The following SYNJ2BP variants were observed in gnomAD, a reference collection of about 807,000 sequenced individuals.
The protein encoded by SYNJ2BP is synaptojanin-2-binding protein.
Under a neutral mutation model 16.9 loss-of-function variants are expected in SYNJ2BP, and 10 were observed. The ratio of observed to expected loss-of-function variants is 0.59; its 90% CI spans 0.36 to 1.00. The LOEUF (loss-of-function observed/expected upper bound fraction) is 1.00. Among genes scored for constraint, SYNJ2BP ranks in the 50% least tolerant of loss-of-function variants. SYNJ2BP has a pLI of 0.01. For synonymous variants in SYNJ2BP, 54 were observed against 68.4 expected, an observed-to-expected ratio of 0.79 and a Z score of 1.04; for missense variants, 162 against 186.7, an observed-to-expected ratio of 0.87 and a Z score of 0.77.
rs565308900 is a variant in SYNJ2BP at position 70,416,491 on chromosome 14, G to A, written c.64+409C>T. 3.3e-5 allele frequency among the ~76,000 whole-genome samples: 5 copies of A among 151,886 alleles called. No homozygotes were observed. The South Asian group carries it at 1.0e-3, about 32-fold the overall frequency. On this transcript the variant is annotated intron_variant, in intron 1 of 3. Transcript: ENST00000256366. ...GGAGGGATCCTAGCTGCAGGAAAAC[G>A]GCTATGCATTCAGAGTCCACACCGT... is the stretch of plus-strand genomic sequence containing the variant.
chr14:70,392,686 A>G (rs11624502), intron 1 of SYNJ2BP, among the ~76,000 whole-genome samples: 8,251 of 152,306 alleles, frequency 0.054, 286 homozygotes, highest in Middle Eastern at 0.11. Context: ...CCACCCATCT[A>G]TAAACAGGAA....
chr14:70,404,032 G>T (rs1364900861), intron 1 of SYNJ2BP, among the ~76,000 whole-genome samples: 1 of 152,106 alleles, frequency 6.6e-6, no homozygotes. Flanking sequence ...TGTATGTAAC[G>T]TCAGGGTTTC....
At chr14:70,414,749 G>A (rs192263816) in intron 1 of SYNJ2BP, among the ~76,000 whole-genome samples, 152 of 152,248 alleles carry the variant, frequency 1.0e-3, no homozygotes, top group Non-Finnish European at 2.0e-3. Flanking sequence ...GGCAAAACAG[G>A]AGCAGAACAA....
chr14:70,397,280 G>A (rs918118925), intron 1 of SYNJ2BP, among the ~76,000 whole-genome samples: 29 of 144,982 alleles, frequency 2.0e-4, no homozygotes, highest in Non-Finnish European at 3.7e-4. Context: ...ATATATATAC[G>A]CCTGTTAGGT....
chr14:70,389,852 A>T (rs1419322160), intron 1 of SYNJ2BP, among the ~76,000 whole-genome samples: 1 of 152,198 alleles, frequency 6.6e-6, no homozygotes, highest in East Asian at 1.9e-4. Context: ...CCTCTTCCCT[A>T]AGTCCTTGGA....
intron 2 of SYNJ2BP, among the ~76,000 whole-genome samples, chr14:70,376,386 T>TA (rs1019170198): frequency 6.6e-6 from 1 of 152,208 alleles, no homozygotes; most frequent in Non-Finnish European, 1.5e-5. Flanking sequence ...TATAAATCCT[T>TA]AAAAAAATTT....
Position 70,373,360 on chromosome 14 carries a change from T to G in SYNJ2BP, c.298-229A>C, listed in dbSNP as rs902883275. 4.6e-5 allele frequency among the ~76,000 whole-genome samples: 7 copies of G among 152,248 alleles called. No homozygotes were observed. In the South Asian group the frequency reaches 1.5e-3, roughly 32 times the overall value. ...GGGGAGGCATTTAACCTTGCTGACC[T>G]AAAGGGACCCGTGAGGGCAAGTCAG... is the stretch of plus-strand genomic sequence containing the variant. On this transcript the variant is annotated intron_variant, in intron 3 of 3. Coordinates refer to ENST00000256366, the MANE Select transcript of SYNJ2BP (RefSeq NM_018373.3).
rs71105709 is a variant in SYNJ2BP, at chr14:70,401,525, C to CTTTT, written c.65-12923_65-12920dup. Among the ~76,000 whole-genome samples the CTTTT allele has an allele frequency of 5.4e-4, 68 of 126,874 alleles. 1 individual carries two copies. The highest frequency in any genetic ancestry group is 4.0e-3 in the East Asian group (17 of 4,300). 83.2% of individuals were successfully genotyped at this position (126,874 alleles called of 152,430 possible). On this transcript the variant is annotated intron_variant, in intron 1 of 3. Transcript: ENST00000256366. Reference sequence around the variant, plus strand: ...TCCTCTCTTGGATCCTGGTTCTTGGCTTTTTTTTTTTTTTTCAGTCAATTG... The same window carrying CTTTT: ...TCCTCTCTTGGATCCTGGTTCTTGGCTTTTTTTTTTTTTTTTTTTCAGTCAATTG...
In SYNJ2BP at chr14:70,370,258, C is replaced by T. The variant is rs1341732654; in HGVS notation, c.*2733G>A. ...CACTTTGTGTGTCTCAAGGCTCTCT[C>T]AGGAATCAGTGTCCAAACCATGAGG... On this transcript the variant is annotated 3_prime_UTR_variant, in exon 4 of 4. Coordinates refer to ENST00000256366, the MANE Select transcript of SYNJ2BP (RefSeq NM_018373.3). 6.6e-6 allele frequency: 1 copy of T among 152,182 alleles called. No homozygotes were observed. Among genetic ancestry groups the T allele is most frequent in the Non-Finnish European group, 1.5e-5 (1 of 68,022 alleles). 9.4% of individuals were successfully genotyped at this position (152,182 alleles called of 1,614,324 possible).
At chr14:70,401,975 T>C (rs566098160) in intron 1 of SYNJ2BP, among the ~76,000 whole-genome samples, 2 of 152,308 alleles carry the variant, frequency 1.3e-5, no homozygotes, top group East Asian at 1.9e-4. Context: ...CTTTCCACTC[T>C]GCTCTTCCTT....
chr14:70,416,674 T>C (rs1429282929), intron 1 of SYNJ2BP, among the ~76,000 whole-genome samples: 3 of 152,206 alleles, frequency 2.0e-5, no homozygotes, highest in Non-Finnish European at 2.9e-5. Context: ...CTTGACTATA[T>C]ATATTTGTGT....
chr14:70,393,563 C>A (rs1399755947), intron 1 of SYNJ2BP, among the ~76,000 whole-genome samples: 1 of 152,134 alleles, frequency 6.6e-6, no homozygotes, highest in East Asian at 1.9e-4. Context: ...AAATGCCCAT[C>A]AACAATAGAC....
intron 1 of SYNJ2BP, among the ~76,000 whole-genome samples, chr14:70,400,469 A>G (rs1888211238): frequency 1.3e-5 from 2 of 152,240 alleles, no homozygotes; most frequent in Admixed American, 1.3e-4. Flanking sequence ...AGAGTAGAAC[A>G]GTGCCTTTAG....
At chr14:70,384,221 A>G (rs1887811352) in intron 2 of SYNJ2BP, among the ~76,000 whole-genome samples, 1 of 152,236 alleles carries the variant, frequency 6.6e-6, no homozygotes, top group African/African-American at 2.4e-5. Flanking sequence ...TCAGCTATCT[A>G]AAATAGGTAT....
chr14:70,388,974 C>A (rs1038198673), intron 1 of SYNJ2BP, among the ~76,000 whole-genome samples: 1 of 149,540 alleles, frequency 6.7e-6, no homozygotes, highest in African/African-American at 2.5e-5. Flanking sequence ...GTGGTGGGCG[C>A]CTGTAATCCC....
At chr14:70,388,227 T>C (rs1887902813) in intron 2 of SYNJ2BP, among the ~76,000 whole-genome samples, 1 of 152,240 alleles carries the variant, frequency 6.6e-6, no homozygotes, top group Admixed American at 6.5e-5. Flanking sequence ...TCCTGCCTTG[T>C]GCTTTTTGAA....
chr14:70,404,228 G>A (rs1177705647), intron 1 of SYNJ2BP, among the ~76,000 whole-genome samples: 1 of 151,808 alleles, frequency 6.6e-6, no homozygotes, highest in East Asian at 1.9e-4. Flanking sequence ...CCTGGAGTGA[G>A]CCATAATAGC....
intron 1 of SYNJ2BP, among the ~76,000 whole-genome samples, chr14:70,398,160 T>G (rs2140854724): frequency 6.6e-6 from 1 of 152,236 alleles, no homozygotes; most frequent in Admixed American, 6.5e-5. Flanking sequence ...TGGCTGAACC[T>G]GGGGCATTTA....
intron 2 of SYNJ2BP, among the ~76,000 whole-genome samples, chr14:70,385,827 C>CAA (rs2140828865): frequency 6.6e-6 from 1 of 152,300 alleles, no homozygotes; most frequent in South Asian, 2.1e-4. Flanking sequence ...AAAAAGGCTA[C>CAA]AAATTCAGAC....
Sources: allele counts gnomAD v4.1 joint callset (sites outside exome capture counted in the v4.1 genomes callset), GRCh38; gene constraint gnomAD v4.1.1; transcripts MANE v1.5; gene names NCBI Gene and HGNC (gene_info 2026-07-23, HGNC 2026-07-21).